The following HOMER2 variants were observed in gnomAD, a reference collection of about 807,000 sequenced individuals.
HOMER2 encodes homer protein homolog 2.
In HOMER2, 27 loss-of-function variants were observed where a neutral mutation model predicts 47.0. The observed-to-expected ratio is 0.57, with a 90% CI of 0.42 to 0.79. The LOEUF (loss-of-function observed/expected upper bound fraction) is 0.79. Among genes scored for constraint, HOMER2 ranks in the 30% least tolerant of loss-of-function variants. HOMER2 has a pLI of 0.00. For synonymous variants in HOMER2, 161 were observed against 163.8 expected, an observed-to-expected ratio of 0.98 and a Z score of 0.13; for missense variants, 443 against 435.0, an observed-to-expected ratio of 1.02 and a Z score of -0.16.
intron 1 of HOMER2, among the ~76,000 whole-genome samples, chr15:82,904,493 AG>A (rs1039762386): frequency 1.6e-4 from 24 of 152,266 alleles, no homozygotes; most frequent in African/African-American, 5.5e-4. Flanking sequence ...CTCGTGCTTG[AG>A]GCAGGGGGAG....
intron 1 of HOMER2, among the ~76,000 whole-genome samples, chr15:82,909,121 A>G (rs184684310): frequency 2.0e-4 from 30 of 152,330 alleles, no homozygotes; most frequent in Admixed American, 1.1e-3. Context: ...GCCAGGAAAG[A>G]GTACTGGAAC....
chr15:82,864,117 G>A (rs1283865003), intron 4 of HOMER2, 50 bp downstream of exon 4: 1 of 1,185,148 alleles, frequency 8.4e-7, no homozygotes, highest in Admixed American at 2.1e-5. Flanking sequence ...GGAACAAAGA[G>A]TCCCTATCAC....
chr15:82,948,139 C>G (rs1313996459), intron 1 of HOMER2, among the ~76,000 whole-genome samples: 3 of 152,052 alleles, frequency 2.0e-5, no homozygotes, highest in African/African-American at 7.2e-5. Context: ...TGCCTGTAAT[C>G]CCAGCACTTT....
chr15:82,895,163 C>G (rs1378532506), intron 1 of HOMER2, among the ~76,000 whole-genome samples: 1 of 152,164 alleles, frequency 6.6e-6, no homozygotes, highest in East Asian at 1.9e-4. Context: ...AGCAGCATTC[C>G]TTGCTCCCTG....
chr15:82,902,560 T>C (rs1302326545), intron 1 of HOMER2, among the ~76,000 whole-genome samples: 1 of 152,208 alleles, frequency 6.6e-6, no homozygotes, highest in Non-Finnish European at 1.5e-5. Flanking sequence ...TAATGATTTC[T>C]GAGACAGTTG....
chr15:82,955,171 C>CTTT (rs537098552), upstream of HOMER2, among the ~76,000 whole-genome samples: 2 of 133,804 alleles, frequency 1.5e-5, no homozygotes, highest in African/African-American at 2.8e-5. Context: ...TTTTCTTTTT[C>CTTT]TTTTTTTTTT....
chr15:82,859,332 A>G (rs1292527470), intron 4 of HOMER2, 197 bp from the exon 5 acceptor site: 3 of 710,946 alleles, frequency 4.2e-6, no homozygotes, highest in African/African-American at 3.5e-5. Context: ...CAAACAAACA[A>G]AAAAGAAAAC....
chr15:82,885,000 GC>G (rs1221369428), intron 2 of HOMER2, among the ~76,000 whole-genome samples: 15 of 5,234 alleles, frequency 2.9e-3, no homozygotes, highest in African/African-American at 4.3e-3. Context: ...TCCAGTTTTT[GC>G]CCATTCAGTA....
At chr15:82,982,265 C>CA (rs1395514597) in intron 1 of HOMER2, among the ~76,000 whole-genome samples, 1 of 152,082 alleles carries the variant, frequency 6.6e-6, no homozygotes, top group East Asian at 1.9e-4. Context: ...ACATTTCCAT[C>CA]AAAAATGGTT....
exon 2 of HOMER2, chr15:82,838,930 A>G (rs918581370): frequency 1.3e-5 from 2 of 152,246 alleles, no homozygotes; most frequent in African/African-American, 2.4e-5. Context: ...AGACTTTGCC[A>G]TGTGAATAGC....
At chr15:82,982,318 T>C (rs1267925045) in intron 1 of HOMER2, among the ~76,000 whole-genome samples, 1 of 152,224 alleles carries the variant, frequency 6.6e-6, no homozygotes, top group East Asian at 1.9e-4. Context: ...GTGTCAGTTA[T>C]CTAGAAAATT....
intron 1 of HOMER2, among the ~76,000 whole-genome samples, chr15:82,942,568 C>T (rs1172828545): frequency 4.6e-5 from 7 of 152,202 alleles, no homozygotes; most frequent in African/African-American, 7.2e-5. Flanking sequence ...CGAGCACCCA[C>T]GACAATGCCT....
At chr15:82,868,688 A>G (rs1270846621) in intron 3 of HOMER2, among the ~76,000 whole-genome samples, 1 of 149,846 alleles carries the variant, frequency 6.7e-6, no homozygotes, top group Non-Finnish European at 1.5e-5. Flanking sequence ...AGTAGCTGGG[A>G]TTACAGGCAT....
chr15:82,900,299 T>TA (rs917974007), intron 1 of HOMER2, among the ~76,000 whole-genome samples: 1 of 152,012 alleles, frequency 6.6e-6, no homozygotes, highest in Non-Finnish European at 1.5e-5. Flanking sequence ...ACCCATTTTT[T>TA]AAAAAACCCA....
intron 1 of HOMER2, among the ~76,000 whole-genome samples, chr15:82,967,403 A>G (rs2054684302): frequency 6.6e-6 from 1 of 152,204 alleles, no homozygotes. Context: ...GTTGAGAGAT[A>G]CATGCTGAAA....
intron 2 of HOMER2, among the ~76,000 whole-genome samples, chr15:82,879,999 A>T (rs1000775434): frequency 2.6e-5 from 4 of 152,234 alleles, no homozygotes; most frequent in African/African-American, 9.6e-5. Context: ...AAAAGAAGGA[A>T]GTTACAAAAG....
chr15:82,878,993 G>A (rs1357652667), intron 2 of HOMER2, among the ~76,000 whole-genome samples: 2 of 152,022 alleles, frequency 1.3e-5, no homozygotes, highest in Admixed American at 6.6e-5. Context: ...ATTCTATTTG[G>A]GTATTTTCTA....
intron 3 of HOMER2, among the ~76,000 whole-genome samples, chr15:82,869,677 C>T (rs764419992): frequency 8.6e-5 from 13 of 151,896 alleles, no homozygotes; most frequent in Admixed American, 3.3e-4. Context: ...AGGCTGGTCT[C>T]GAACTCTTGA....
At chr15:82,896,576 A>AGT (rs2151110686) in intron 1 of HOMER2, among the ~76,000 whole-genome samples, 1 of 152,280 alleles carries the variant, frequency 6.6e-6, no homozygotes, top group African/African-American at 2.4e-5. Flanking sequence ...TGGCTGCTCC[A>AGT]GTGTGAGGGG....
Sources: gnomAD v4.1 joint callset for allele counts (sites outside exome capture counted in the v4.1 genomes callset) on GRCh38, gnomAD v4.1.1 for gene constraint, MANE v1.5 for transcripts, NCBI Gene and HGNC (gene_info 2026-07-23, HGNC 2026-07-21) for gene names.